Variants in CERT1 observed in about 807,000 individuals in gnomAD.
CERT1 encodes ceramide transfer protein.
A neutral mutation model predicts 87.9 loss-of-function variants in CERT1; 31 were observed. That is an observed-to-expected ratio of 0.35 (90% CI 0.27 to 0.48). CERT1 has a LOEUF of 0.48. Ranked by LOEUF, CERT1 falls within the 20% of genes least tolerant of loss-of-function variation. The pLI is 0.99. For synonymous variants in CERT1, 289 were observed against 250.9 expected (o/e 1.15, Z -1.44); for missense variants, 487 against 758.0 (o/e 0.64, Z 4.20).
downstream of CERT1, chr5:75,376,908 T>C (rs1761339064): frequency 1.3e-5 from 2 of 152,188 alleles, no homozygotes; most frequent in African/African-American, 2.4e-5. Context: ...ATCAGACTTG[T>C]TTAAAATTAT....
At chr5:75,410,330 C>T (rs1376488526) in intron 8 of CERT1, among the ~76,000 whole-genome samples, 1 of 151,980 alleles carries the variant, frequency 6.6e-6, no homozygotes, top group Non-Finnish European at 1.5e-5. Context: ...TCACAGTAGG[C>T]CGGGCGGGGT....
At chr5:75,502,849 T>C (rs1767442324) in intron 2 of CERT1, among the ~76,000 whole-genome samples, 1 of 152,104 alleles carries the variant, frequency 6.6e-6, no homozygotes, top group Non-Finnish European at 1.5e-5. Flanking sequence ...ATATTCAGAA[T>C]ATCTACTATG....
chr5:75,432,296 C>T (rs758525097), intron 3 of CERT1, among the ~76,000 whole-genome samples: 1 of 152,124 alleles, frequency 6.6e-6, no homozygotes, highest in African/African-American at 2.4e-5. Context: ...CGTCGTAATC[C>T]GCCTGCCTTG....
At chr5:75,457,193 G>A (rs1765020543) in intron 3 of CERT1, among the ~76,000 whole-genome samples, 1 of 152,116 alleles carries the variant, frequency 6.6e-6, no homozygotes, top group Non-Finnish European at 1.5e-5. Context: ...GAAACAAGAT[G>A]GTATAATTTA....
chr5:75,446,572 G>GT (rs1189689803), intron 3 of CERT1, among the ~76,000 whole-genome samples: 5 of 152,018 alleles, frequency 3.3e-5, no homozygotes, highest in African/African-American at 4.8e-5. Flanking sequence ...TATGCCTTGT[G>GT]TTTTTTTGTT....
intron 2 of CERT1, among the ~76,000 whole-genome samples, chr5:75,497,843 G>C (rs896933882): frequency 1.3e-5 from 2 of 152,130 alleles, no homozygotes; most frequent in African/African-American, 4.8e-5. Context: ...AAGGATACCC[G>C]AAAATGTGGA....
chr5:75,427,091 T>G (rs1179901168), intron 3 of CERT1, among the ~76,000 whole-genome samples: 1 of 152,156 alleles, frequency 6.6e-6, no homozygotes, highest in African/African-American at 2.4e-5. Flanking sequence ...GGCACGAAGT[T>G]TCCAATTTTG....
intron 10 of CERT1, 65 bp from the exon 11 acceptor site, chr5:75,399,452 C>T: frequency 8.6e-7 from 1 of 1,156,936 alleles, no homozygotes; most frequent in African/African-American, 1.5e-5. Flanking sequence ...GCATTCAGTA[C>T]CAACTTCCAA....
chr5:75,493,750 T>C (rs974280432), intron 2 of CERT1, among the ~76,000 whole-genome samples: 6 of 152,212 alleles, frequency 3.9e-5, no homozygotes, highest in Non-Finnish European at 8.8e-5. Context: ...GATAATCCCT[T>C]TCTGCTCTGT....
chr5:75,500,185 G>A (rs748679913), intron 2 of CERT1, among the ~76,000 whole-genome samples: 30 of 152,058 alleles, frequency 2.0e-4, no homozygotes, highest in Non-Finnish European at 4.0e-4. Context: ...CTCCCTCACC[G>A]CCAACAGAAG....
At chr5:75,461,940 C>T (rs1428135259) in intron 2 of CERT1, among the ~76,000 whole-genome samples, 1 of 152,098 alleles carries the variant, frequency 6.6e-6, no homozygotes, top group Non-Finnish European at 1.5e-5. Context: ...ACATATGTGC[C>T]CCAAACTTCT....
At chr5:75,494,032 T>G (rs1308171853) in intron 2 of CERT1, among the ~76,000 whole-genome samples, 1 of 152,096 alleles carries the variant, frequency 6.6e-6, no homozygotes, top group Non-Finnish European at 1.5e-5. Flanking sequence ...TTAAAAATAC[T>G]GACAAATTTC....
intron 5 of CERT1, among the ~76,000 whole-genome samples, chr5:75,420,425 G>A (rs1262067342): frequency 1.4e-5 from 2 of 147,792 alleles, no homozygotes; most frequent in Non-Finnish European, 3.0e-5. Flanking sequence ...CTCACTGCAA[G>A]CTCCACCTCC....
At chr5:75,467,065 C>A (rs1765486676) in intron 2 of CERT1, among the ~76,000 whole-genome samples, 1 of 148,758 alleles carries the variant, frequency 6.7e-6, no homozygotes, top group South Asian at 2.2e-4. Flanking sequence ...TGGAAATAAC[C>A]CAAATGTCCT....
chr5:75,426,598 T>C, intron 3 of CERT1, 120 bp from the exon 4 acceptor site: 3 of 661,388 alleles, frequency 4.5e-6, no homozygotes, highest in Non-Finnish European at 8.0e-6. Flanking sequence ...GCACATAAGA[T>C]ATATAGTCAA....
chr5:75,404,823 A>C (rs1222429599), intron 8 of CERT1, among the ~76,000 whole-genome samples: 9 of 152,186 alleles, frequency 5.9e-5, no homozygotes, highest in African/African-American at 2.2e-4. Context: ...AGCCAGGCCA[A>C]CATGACGAAA....
In CERT1 at chr5:75,379,168, C is replaced by T; in HGVS notation, c.*178G>A. 1.7e-6 allele frequency: 1 copy of T among 597,042 alleles called. No homozygotes were observed. The highest frequency in any genetic ancestry group is 2.9e-6 in the Non-Finnish European group (1 of 343,858). 37.0% of individuals were successfully genotyped at this position (597,042 alleles called of 1,614,324 possible). ...TTGCACTTCAGCTTAGGAAACAGAGCAAGACCCTGTTTAAAACAACAACAA... is the reference window on the plus strand; with the variant it reads ...TTGCACTTCAGCTTAGGAAACAGAGTAAGACCCTGTTTAAAACAACAACAA... On this transcript the variant is annotated 3_prime_UTR_variant, in exon 17 of 17. Transcript: ENST00000643780.
chr5:75,475,449 T>TA (rs1346720876), intron 2 of CERT1, among the ~76,000 whole-genome samples: 5 of 152,132 alleles, frequency 3.3e-5, no homozygotes, highest in African/African-American at 1.2e-4. Context: ...TTAACTTTAA[T>TA]ACCTACATAT....
At chr5:75,422,099 ATCTC>A (rs1160977524) in intron 5 of CERT1, among the ~76,000 whole-genome samples, 3 of 152,058 alleles carry the variant, frequency 2.0e-5, no homozygotes, top group Non-Finnish European at 4.4e-5. Flanking sequence ...CAAAACGTTA[ATCTC>A]TCTCTCTCCC....
Sources: gnomAD v4.1 joint callset for allele counts (sites outside exome capture counted in the v4.1 genomes callset) on GRCh38, gnomAD v4.1.1 for gene constraint, MANE v1.5 for transcripts, NCBI Gene and HGNC (gene_info 2026-07-23, HGNC 2026-07-21) for gene names.